The following CFAP299 variants were observed in gnomAD, a reference collection of about 807,000 sequenced individuals.
CFAP299 encodes cilia and flagella associated protein 299.
In CFAP299, 21 loss-of-function variants were observed where a neutral mutation model predicts 27.0. That is an observed-to-expected ratio of 0.78 (90% CI 0.55 to 1.12). CFAP299 has a LOEUF of 1.12. Ranked by LOEUF, CFAP299 falls within the 50% of genes most tolerant of loss-of-function variation. The pLI, the probability that CFAP299 is intolerant of heterozygous loss-of-function variation, is 0.00. For missense variants in CFAP299, 310 were observed against 276.6 expected (o/e 1.12, Z -0.86); for synonymous variants, 104 against 98.1 (o/e 1.06, Z -0.36).
chr4:80,398,086 A>T (rs1400421557), intron 2 of CFAP299, among the ~76,000 whole-genome samples: 1 of 152,186 alleles, frequency 6.6e-6, no homozygotes, highest in South Asian at 2.1e-4. Flanking sequence ...TCCCATTCAC[A>T]ATTGCTTCAA....
At chr4:80,908,569 C>A (rs1378373269) in intron 4 of CFAP299, among the ~76,000 whole-genome samples, 2 of 152,124 alleles carry the variant, frequency 1.3e-5, no homozygotes, top group African/African-American at 4.8e-5. Flanking sequence ...GATGTACCTG[C>A]CCGTACACAT....
Position 80,901,089 on chromosome 4 carries a change from G to A in CFAP299, c.476+30954G>A, listed in dbSNP as rs534662394. Among the ~76,000 whole-genome samples the A allele has an allele frequency of 7.9e-5, 12 of 152,116 alleles. No homozygotes were observed. The South Asian group carries it at 2.5e-3, about 32-fold the overall frequency. On this transcript the variant is annotated intron_variant, in intron 4 of 5. Transcript: ENST00000358105. ...ATAACTCATCACCATAGTAAACAAT[G>A]GTATACAGAGAGCAATGAGAGCAAT...
At chr4:80,758,238 G>T (rs993476191) in intron 3 of CFAP299, among the ~76,000 whole-genome samples, 4 of 152,146 alleles carry the variant, frequency 2.6e-5, no homozygotes, top group African/African-American at 9.7e-5. Context: ...GGCTTTCAGG[G>T]GGCAGGGGAG....
intron 3 of CFAP299, among the ~76,000 whole-genome samples, chr4:80,699,071 AT>A (rs1393217572): frequency 1.3e-5 from 2 of 152,206 alleles, no homozygotes; most frequent in African/African-American, 4.8e-5. Flanking sequence ...TGTAGTCCCT[AT>A]AAGCTTATTG....
chr4:80,898,468 G>A (rs1298112373), intron 4 of CFAP299, among the ~76,000 whole-genome samples: 1 of 152,002 alleles, frequency 6.6e-6, no homozygotes, highest in East Asian at 1.9e-4. Flanking sequence ...ATGGGCACTG[G>A]ATGTGGGGGG....
intron 3 of CFAP299, among the ~76,000 whole-genome samples, chr4:80,850,234 G>C (rs1023189818): frequency 2.0e-5 from 3 of 151,822 alleles, no homozygotes; most frequent in African/African-American, 4.8e-5. Context: ...GCGGTGGGGG[G>C]GGTGATAAAA....
chr4:80,716,468 A>T (rs1466145875), intron 3 of CFAP299, among the ~76,000 whole-genome samples: 2 of 151,726 alleles, frequency 1.3e-5, no homozygotes, highest in East Asian at 3.9e-4. Context: ...TTCACTGATG[A>T]CACATGATAC....
At chr4:80,631,970 C>G (rs903420693) in intron 3 of CFAP299, among the ~76,000 whole-genome samples, 3 of 148,866 alleles carry the variant, frequency 2.0e-5, no homozygotes, top group Non-Finnish European at 4.4e-5. Context: ...AGGCAGATCC[C>G]TCATGAACAA....
chr4:80,500,981 C>T (rs150222351), intron 2 of CFAP299, among the ~76,000 whole-genome samples: 2 of 152,120 alleles, frequency 1.3e-5, no homozygotes, highest in East Asian at 1.9e-4. Context: ...TTAAACAAAA[C>T]GTGGATAAGT....
intron 3 of CFAP299, among the ~76,000 whole-genome samples, chr4:80,758,899 A>C (rs1725401748): frequency 6.6e-6 from 1 of 152,214 alleles, no homozygotes; most frequent in Non-Finnish European, 1.5e-5. Context: ...ATTGGTCAAA[A>C]TAAATCCTCT....
intron 4 of CFAP299, among the ~76,000 whole-genome samples, chr4:80,901,815 C>T (rs921819454): frequency 1.2e-4 from 19 of 152,034 alleles, no homozygotes; most frequent in African/African-American, 4.3e-4. Context: ...CTAAAATTTC[C>T]AAACAGAACT....
intron 2 of CFAP299, among the ~76,000 whole-genome samples, chr4:80,372,405 A>G (rs1724190439): frequency 6.6e-6 from 1 of 152,222 alleles, no homozygotes; most frequent in Admixed American, 6.5e-5. Flanking sequence ...GCAACTTTGT[A>G]TTGGATTTGA....
intron 4 of CFAP299, among the ~76,000 whole-genome samples, chr4:80,936,257 A>G (rs984630570): frequency 6.6e-6 from 1 of 152,142 alleles, no homozygotes; most frequent in Admixed American, 6.6e-5. Flanking sequence ...TAAAAACAGA[A>G]ATACCATTTG....
chr4:80,337,169 C>T (rs1432659686), intron 1 of CFAP299, among the ~76,000 whole-genome samples: 1 of 152,104 alleles, frequency 6.6e-6, no homozygotes, highest in Non-Finnish European at 1.5e-5. Context: ...ATGTTTACAT[C>T]TAAATTTTTG....
chr4:80,800,826 T>C (rs1441048735), intron 3 of CFAP299, among the ~76,000 whole-genome samples: 1 of 145,186 alleles, frequency 6.9e-6, no homozygotes, highest in Non-Finnish European at 1.5e-5. Flanking sequence ...ACTCACATGA[T>C]CACAAGGTCC....
At chr4:80,582,161 A>G (rs1736205742) in intron 2 of CFAP299, among the ~76,000 whole-genome samples, 1 of 151,878 alleles carries the variant, frequency 6.6e-6, no homozygotes, top group African/African-American at 2.4e-5. Context: ...TACTATCTCA[A>G]GTTTTAACAT....
rs1460874211 is a variant in CFAP299 at position 80,335,772 on chromosome 4, G to C, written c.4G>C (p.Asp2His). 6.2e-7 allele frequency: 1 copy of C among 1,606,706 alleles called. No individual in the cohort carries two copies. The highest frequency in any genetic ancestry group is 1.7e-5 in the Admixed American group (1 of 60,006). The change falls in exon 1 of 6, where the codon GAT becomes CAT. Residue 2 changes from aspartate (D) to histidine (H), a missense_variant. Coordinates refer to ENST00000358105, the MANE Select transcript of CFAP299 (RefSeq NM_152770.3). Reference sequence around the variant, plus strand: ...CGCTTCGGCCGAGGATACCGCAATGGATCAGGAAGAGGGGCTGAAGGCCTT... The same window carrying C: ...CGCTTCGGCCGAGGATACCGCAATGCATCAGGAAGAGGGGCTGAAGGCCTT... MDQEEGLKALDN... is the reference protein window; with the variant it reads MHQEEGLKALDN...
At chr4:80,729,592 CTTTTTTT>C (rs34745276) in intron 3 of CFAP299, among the ~76,000 whole-genome samples, 1 of 64,318 alleles carries the variant, frequency 1.6e-5, no homozygotes, top group African/African-American at 5.8e-5. Flanking sequence ...GCTTCAGCAT[CTTTTTTT>C]TTTTTTTTTT....
intron 3 of CFAP299, among the ~76,000 whole-genome samples, chr4:80,623,961 C>G (rs781773484): frequency 1.9e-4 from 29 of 152,118 alleles, no homozygotes; most frequent in Non-Finnish European, 3.8e-4. Flanking sequence ...CAGTGCCATG[C>G]CAGCAGCAAC....
Sources: allele counts gnomAD v4.1 joint callset (sites outside exome capture counted in the v4.1 genomes callset), GRCh38; gene constraint gnomAD v4.1.1; transcripts MANE v1.5; gene names NCBI Gene and HGNC (gene_info 2026-07-23, HGNC 2026-07-21).